The following COLEC10 variants were observed in gnomAD, a reference collection of about 807,000 sequenced individuals.
COLEC10 encodes collectin subfamily member 10.
A neutral mutation model predicts 28.4 loss-of-function variants in COLEC10; 22 were observed. The ratio of observed to expected loss-of-function variants is 0.78; its 90% CI spans 0.55 to 1.11. COLEC10 has a LOEUF of 1.11. Among genes scored for constraint, COLEC10 ranks in the 50% least tolerant of loss-of-function variants. The pLI, the probability that COLEC10 is intolerant of heterozygous loss-of-function variation, is 0.00. For synonymous variants in COLEC10, 125 were observed against 116.1 expected, an observed-to-expected ratio of 1.08 and a Z score of -0.49; for missense variants, 361 against 344.1, an observed-to-expected ratio of 1.05 and a Z score of -0.39.
At chr8:118,992,557 C>A (rs555072741), upstream of COLEC10, among the ~76,000 whole-genome samples, 2 of 152,074 alleles carry the variant, frequency 1.3e-5, no homozygotes, top group Non-Finnish European at 2.9e-5. Context: ...ATAAAGAACT[C>A]GACCTTAAAA....
chr8:119,065,309 C>T (rs532838368), upstream of COLEC10, among the ~76,000 whole-genome samples: 3 of 152,182 alleles, frequency 2.0e-5, no homozygotes, highest in East Asian at 3.9e-4. Flanking sequence ...CCTGTCAGAT[C>T]AGCAGCGGCA....
At chr8:119,036,193 T>C (rs17177252) in intron 2 of COLEC10, among the ~76,000 whole-genome samples, 2,108 of 152,334 alleles carry the variant, frequency 0.014, 163 homozygotes, top group Admixed American at 0.11. Flanking sequence ...TTTTCCTGTT[T>C]ATCCAAGAAG....
At chr8:119,084,495 A>G (rs1321261202) in intron 1 of COLEC10, among the ~76,000 whole-genome samples, 1 of 152,226 alleles carries the variant, frequency 6.6e-6, no homozygotes, top group African/African-American at 2.4e-5. Flanking sequence ...CAAAGGACTT[A>G]GGCTTACTCC....
In COLEC10 at chr8:119,101,578, C is replaced by G. The variant is rs77213189; in HGVS notation, c.293-770C>G. On this transcript the variant is annotated intron_variant, in intron 3 of 5. Coordinates refer to ENST00000332843, the MANE Select transcript of COLEC10 (RefSeq NM_006438.5). ...AAAGAAGTACAGAGAGGGAAAGTAC[C>G]AAGGTTGCTATTTCAGTATAATATA... 2.6e-4 allele frequency among the ~76,000 whole-genome samples: 39 copies of G among 152,214 alleles called. 1 individual carries two copies. In the East Asian group the frequency reaches 6.0e-3, roughly 23 times the overall value.
upstream of COLEC10, among the ~76,000 whole-genome samples, chr8:119,066,119 A>G (rs1217404240): frequency 4.6e-5 from 7 of 152,150 alleles, no homozygotes; most frequent in South Asian, 1.0e-3. Flanking sequence ...TCTCTTAGGG[A>G]TATTTTTTCA....
upstream of COLEC10, among the ~76,000 whole-genome samples, chr8:119,066,133 G>A (rs1814951055): frequency 6.6e-6 from 1 of 152,158 alleles, no homozygotes; most frequent in South Asian, 2.1e-4. Flanking sequence ...TTTTTCAGCA[G>A]TCAGTCTGTA....
At chr8:118,958,931 G>A in the COLEC10 span, among the ~76,000 whole-genome samples, 1 of 152,142 alleles carries the variant, frequency 6.6e-6, no homozygotes, top group Admixed American at 6.5e-5. Flanking sequence ...CAGATCTCAA[G>A]GCAGCTGATT....
intron 1 of COLEC10, among the ~76,000 whole-genome samples, chr8:119,085,647 G>C (rs1451705339): frequency 2.1e-5 from 2 of 96,852 alleles, no homozygotes; most frequent in Non-Finnish European, 3.9e-5. Context: ...TGTTGCTGTT[G>C]AGATGCAGTC....
the COLEC10 span, among the ~76,000 whole-genome samples, chr8:118,952,412 T>C: frequency 2.0e-5 from 3 of 152,248 alleles, no homozygotes; most frequent in African/African-American, 7.2e-5. Flanking sequence ...GCCTGACCCC[T>C]TCACTTCGGG....
At chr8:119,034,822 A>G (rs755804134) in intron 2 of COLEC10, among the ~76,000 whole-genome samples, 5 of 152,220 alleles carry the variant, frequency 3.3e-5, no homozygotes, top group Non-Finnish European at 7.3e-5. Context: ...GATTCCAGAT[A>G]ATATTCCTGA....
chr8:119,048,351 A>ATG (rs1348864835), intron 2 of COLEC10, among the ~76,000 whole-genome samples: 1 of 152,198 alleles, frequency 6.6e-6, no homozygotes, highest in Non-Finnish European at 1.5e-5. Context: ...TGTTCTGTAG[A>ATG]TGTCTATTCA....
chr8:119,039,642 A>T (rs1042456570), intron 2 of COLEC10, among the ~76,000 whole-genome samples: 3 of 152,192 alleles, frequency 2.0e-5, no homozygotes, highest in Middle Eastern at 3.2e-3. Context: ...AAATCCAAAG[A>T]TGGGTATCAC....
chr8:119,029,554 C>T (rs1449431793), intron 2 of COLEC10, among the ~76,000 whole-genome samples: 1 of 152,100 alleles, frequency 6.6e-6, no homozygotes, highest in Non-Finnish European at 1.5e-5. Flanking sequence ...GTCATCTTGT[C>T]CATCACACTC....
chr8:118,978,520 T>A, the COLEC10 span, among the ~76,000 whole-genome samples: 1 of 151,694 alleles, frequency 6.6e-6, no homozygotes, highest in Non-Finnish European at 1.5e-5. Context: ...AGCTGCTTTT[T>A]TTTTCCTTAA....
At chr8:119,038,134 G>T (rs1053057119) in intron 2 of COLEC10, among the ~76,000 whole-genome samples, 37 of 152,202 alleles carry the variant, frequency 2.4e-4, no homozygotes, top group Admixed American at 1.2e-3. Context: ...TGAACACAGA[G>T]CATGAAAATC....
chr8:119,079,377 C>A (rs1815323350), intron 1 of COLEC10, among the ~76,000 whole-genome samples: 1 of 152,124 alleles, frequency 6.6e-6, no homozygotes, highest in African/African-American at 2.4e-5. Context: ...GTGATGGAGC[C>A]TGGACTTGAA....
At chr8:118,965,901 G>A in the COLEC10 span, among the ~76,000 whole-genome samples, 1 of 152,144 alleles carries the variant, frequency 6.6e-6, no homozygotes, top group South Asian at 2.1e-4. Flanking sequence ...ATGACTAGAT[G>A]ACAAAAAATT....
chr8:119,029,878 T>C (rs1814256872), intron 2 of COLEC10, among the ~76,000 whole-genome samples: 1 of 152,246 alleles, frequency 6.6e-6, no homozygotes, highest in South Asian at 2.1e-4. Context: ...AACAAGCCTA[T>C]ATAAAACCAT....
intron 1 of COLEC10, among the ~76,000 whole-genome samples, chr8:119,081,045 T>G (rs111999958): frequency 0.036 from 5,420 of 150,940 alleles, 127 homozygotes; most frequent in African/African-American, 0.064. Flanking sequence ...TTACAGTTTT[T>G]GTTTTTGCCA....
Sources: allele counts gnomAD v4.1 joint callset (sites outside exome capture counted in the v4.1 genomes callset), GRCh38; gene constraint gnomAD v4.1.1; transcripts MANE v1.5; gene names NCBI Gene and HGNC (gene_info 2026-07-23, HGNC 2026-07-21).